The following ARID1B variants were observed in gnomAD, a reference collection of about 807,000 sequenced individuals.
ARID1B encodes the protein AT-rich interaction domain 1B.
A neutral mutation model predicts 212.3 loss-of-function variants in ARID1B; 30 were observed. The observed-to-expected ratio is 0.14, with a 90% CI of 0.11 to 0.19. The LOEUF (loss-of-function observed/expected upper bound fraction) is 0.19, where lower values mean the gene tolerates loss of function less well. Ranked by LOEUF, ARID1B falls within the 10% of genes least tolerant of loss-of-function variation. The pLI, the probability that ARID1B is intolerant of heterozygous loss-of-function variation, is 1.00. For synonymous variants in ARID1B, 1,402 were observed against 1,301.7 expected (o/e 1.08, Z -1.66); for missense variants, 2,891 against 3,204.0 (o/e 0.90, Z 2.36).
intron 4 of ARID1B, among the ~76,000 whole-genome samples, chr6:157,020,498 A>AT (rs1780163894): frequency 6.6e-6 from 1 of 152,158 alleles, no homozygotes; most frequent in African/African-American, 2.4e-5. Context: ...TAACTTTTTT[A>AT]TAAGGGGTTG....
At chr6:157,054,443 A>G (rs1331997240) in intron 4 of ARID1B, among the ~76,000 whole-genome samples, 1 of 152,238 alleles carries the variant, frequency 6.6e-6, no homozygotes, top group Non-Finnish European at 1.5e-5. Context: ...ATGTGTTTGT[A>G]TTATTTTATA....
chr6:156,991,510 G>A (rs142912020), intron 4 of ARID1B, among the ~76,000 whole-genome samples: 1 of 152,304 alleles, frequency 6.6e-6, no homozygotes, highest in East Asian at 1.9e-4. Context: ...GGGATTACAG[G>A]CATGAGCCAC....
chr6:156,993,351 C>A (rs950139233), intron 4 of ARID1B, among the ~76,000 whole-genome samples: 7 of 152,180 alleles, frequency 4.6e-5, no homozygotes, highest in African/African-American at 1.7e-4. Context: ...TTAAATATAT[C>A]TAATGAGACC....
At chr6:157,163,724 C>G (rs1791112855) in intron 8 of ARID1B, among the ~76,000 whole-genome samples, 2 of 152,326 alleles carry the variant, frequency 1.3e-5, no homozygotes, top group South Asian at 4.1e-4. Context: ...GCCTGTATTC[C>G]AGGACTCCCG....
At chr6:156,803,337 G>A (rs1780921391) in intron 1 of ARID1B, among the ~76,000 whole-genome samples, 1 of 152,114 alleles carries the variant, frequency 6.6e-6, no homozygotes, top group South Asian at 2.1e-4. Context: ...TTTCAGTATA[G>A]AAGAATAATG....
rs1347572471 is a variant in ARID1B at position 156,901,420 on chromosome 6, G to T, written c.2031G>T (p.Gln677His). The T allele has an allele frequency of 1.9e-6, 3 of 1,613,996 alleles. No individual in the cohort carries two copies. Among genetic ancestry groups the T allele is most frequent in the Non-Finnish European group, 2.5e-6 (3 of 1,180,042 alleles). The change falls in exon 3 of 20, where the codon CAG (glutamine) becomes CAT (histidine). Residue 677 changes from glutamine to histidine, a missense_variant. Around this residue, in one of 7 missense-constraint regions of ARID1B, gnomAD observed 1,643 missense variants for 1,544.0 expected, o/e 1.06. Coordinates refer to ENST00000636930, the MANE Select transcript of ARID1B (RefSeq NM_001374828.1). ...YGQQGVSGYC[Q>H]QGQQPYYSQQ... Reference sequence around the variant, plus strand: ...AGCAAGGTGTGAGTGGTTACTGCCAGCAGGGCCAACAGCCATATTACAGCC... The same window carrying T: ...AGCAAGGTGTGAGTGGTTACTGCCATCAGGGCCAACAGCCATATTACAGCC...
chr6:156,826,052 AAATGTAC>A (rs1782715273), intron 1 of ARID1B, among the ~76,000 whole-genome samples: 1 of 152,238 alleles, frequency 6.6e-6, no homozygotes. Flanking sequence ...TTGGGCAAAC[AAATGTAC>A]TGTCGTTTAA....
At chr6:156,881,025 T>G (rs946471134) in intron 2 of ARID1B, among the ~76,000 whole-genome samples, 1 of 152,168 alleles carries the variant, frequency 6.6e-6, no homozygotes, top group African/African-American at 2.4e-5. Flanking sequence ...AGCTTGATAG[T>G]AGAGGTTAGA....
intron 4 of ARID1B, among the ~76,000 whole-genome samples, chr6:157,064,167 C>T (rs540858897): frequency 3.9e-5 from 6 of 152,324 alleles, no homozygotes; most frequent in African/African-American, 1.2e-4. Flanking sequence ...CTTGCAGCAC[C>T]TCTGAGATTT....
intron 1 of ARID1B, among the ~76,000 whole-genome samples, chr6:156,791,302 G>A (rs907962577): frequency 8.5e-5 from 13 of 152,222 alleles, no homozygotes; most frequent in African/African-American, 2.9e-4. Flanking sequence ...TGCATATGTG[G>A]TATTTTTCAG....
At chr6:157,204,739 C>G (rs552798627) in intron 19 of ARID1B, 7 of 152,174 alleles carry the variant, frequency 4.6e-5, no homozygotes, top group African/African-American at 1.7e-4. Context: ...GGAAAATGCC[C>G]GAGTCCACTG....
chr6:156,850,288 A>G (rs1784497946), intron 2 of ARID1B, among the ~76,000 whole-genome samples: 3 of 152,136 alleles, frequency 2.0e-5, no homozygotes, highest in East Asian at 1.9e-4. Flanking sequence ...ACTGGACAAT[A>G]TGAATCTGTA....
chr6:157,073,429 A>T lies in ARID1B; in HGVS notation c.2248-11233A>T, dbSNP rs150680827. ...CTATGCACCCCATCTTTTAAGTGAG[A>T]TATTTTTCTACAAGTCATTTACACA... On this transcript the variant is annotated intron_variant, in intron 4 of 19. Transcript: ENST00000636930. 8.5e-3 allele frequency among the ~76,000 whole-genome samples: 1,288 copies of T among 152,222 alleles called. 17 individuals are homozygous for T. The highest frequency in any genetic ancestry group is 0.028 in the African/African-American group (1,156 of 41,518).
intron 6 of ARID1B, among the ~76,000 whole-genome samples, chr6:157,123,073 A>G (rs1194653545): frequency 6.6e-6 from 1 of 152,144 alleles, no homozygotes; most frequent in Admixed American, 6.6e-5. Flanking sequence ...ATGTTTATCA[A>G]GCTACTCACT....
At chr6:157,175,113 G>C in intron 11 of ARID1B, 108 bp downstream of exon 11, 1 of 966,628 alleles carries the variant, frequency 1.0e-6, no homozygotes, top group Non-Finnish European at 1.4e-6. Context: ...TGTTTTGTAA[G>C]ACTTTTTCTT....
intron 3 of ARID1B, among the ~76,000 whole-genome samples, chr6:156,908,023 T>C (rs547973575): frequency 1.1e-4 from 17 of 152,152 alleles, no homozygotes; most frequent in Admixed American, 2.6e-4. Flanking sequence ...CTATAAAGGG[T>C]TGTATAGCTC....
chr6:157,190,027 CCT>C lies in ARID1B; in HGVS notation c.4059-6_4059-5del, dbSNP rs1793244024. On this transcript the variant is annotated splice_polypyrimidine_tract_variant and intron_variant, in intron 14 of 19. Coordinates refer to ENST00000636930, the MANE Select transcript of ARID1B (RefSeq NM_001374828.1). This position sits in a 1 kb window ranked among gnomAD's most constrained non-coding sequence, Gnocchi z 4.6. The stretch of plus-strand genomic sequence containing the variant: ...TGTATCATTAAGCTTTCATTCTTTG[CCT>C]CTCTTCAGAAGCAGTACAATCAGTG... 1.9e-6 allele frequency: 3 copies of C among 1,612,164 alleles called. No homozygotes were observed. Among genetic ancestry groups the C allele is most frequent in the African/African-American group, 2.7e-5 (2 of 74,862 alleles).
At chr6:157,199,767 G>A (rs1433604039) in intron 17 of ARID1B, among the ~76,000 whole-genome samples, 2 of 151,784 alleles carry the variant, frequency 1.3e-5, no homozygotes, top group South Asian at 2.1e-4. Flanking sequence ...GGGCTCAAGC[G>A]ATTCTCCTGC....
intron 6 of ARID1B, among the ~76,000 whole-genome samples, chr6:157,122,740 G>A (rs746620416): frequency 9.9e-5 from 15 of 152,098 alleles, no homozygotes; most frequent in African/African-American, 2.2e-4. Flanking sequence ...GTACAGTGGC[G>A]TGATCTGGGC....
Sources: gnomAD v4.1 joint callset for allele counts (sites outside exome capture counted in the v4.1 genomes callset) on GRCh38, gnomAD v4.1.1 for gene constraint, gnomAD v4.1.1 regional missense constraint, Gnocchi (gnomAD v3.1) non-coding constraint, MANE v1.5 for transcripts, NCBI Gene and HGNC (gene_info 2026-07-23, HGNC 2026-07-21) for gene names.